Variants in CCSER1 observed in about 807,000 individuals in gnomAD.
CCSER1 encodes the protein serine-rich coiled-coil domain-containing protein 1.
A neutral mutation model predicts 82.0 loss-of-function variants in CCSER1; 41 were observed. The observed-to-expected ratio is 0.50, with a 90% confidence interval of 0.39 to 0.65. CCSER1 has a LOEUF of 0.65. CCSER1 is among the 30% of genes least tolerant of loss of function. The pLI is 0.00. For synonymous variants in CCSER1, 414 were observed against 383.9 expected (o/e 1.08, Z -0.92); for missense variants, 1,119 against 1,064.2 (o/e 1.05, Z -0.72).
chr4:90,968,148 A>C (rs1456877479), intron 9 of CCSER1, among the ~76,000 whole-genome samples: 4 of 152,152 alleles, frequency 2.6e-5, no homozygotes, highest in Admixed American at 6.5e-5. Context: ...TAGAAAAAAG[A>C]AAGATAGGCT....
intron 10 of CCSER1, among the ~76,000 whole-genome samples, chr4:91,187,013 G>A (rs530948321): frequency 2.0e-5 from 3 of 152,314 alleles, no homozygotes; most frequent in African/African-American, 2.4e-5. Context: ...ATTTTGGGGG[G>A]CCTGCTCCCA....
intron 6 of CCSER1, among the ~76,000 whole-genome samples, chr4:90,659,881 C>G (rs1417619245): frequency 6.6e-6 from 1 of 151,940 alleles, no homozygotes; most frequent in Non-Finnish European, 1.5e-5. Flanking sequence ...GAATGATGAA[C>G]ATTTTTTCAT....
intron 3 of CCSER1, among the ~76,000 whole-genome samples, chr4:90,385,191 A>G (rs983497327): frequency 9.9e-5 from 15 of 152,156 alleles, no homozygotes; most frequent in African/African-American, 3.6e-4. Flanking sequence ...TGATAAAAAT[A>G]TAAGTGCAGG....
At chr4:91,418,878 T>C (rs1353390550) in intron 10 of CCSER1, among the ~76,000 whole-genome samples, 1 of 151,900 alleles carries the variant, frequency 6.6e-6, no homozygotes, top group Non-Finnish European at 1.5e-5. Flanking sequence ...CAACAGCACA[T>C]TAAAAGAATC....
chr4:90,530,475 T>C (rs1321562767), intron 5 of CCSER1, among the ~76,000 whole-genome samples: 1 of 151,754 alleles, frequency 6.6e-6, no homozygotes, highest in Non-Finnish European at 1.5e-5. Context: ...GAAAAGGGAG[T>C]GTGGGCGTAC....
chr4:90,946,663 T>C (rs1407758927), intron 9 of CCSER1, among the ~76,000 whole-genome samples: 1 of 151,502 alleles, frequency 6.6e-6, no homozygotes, highest in African/African-American at 2.4e-5. Context: ...GAGTAAATTA[T>C]GACCTAGAAA....
chr4:90,128,867 A>T (rs2153306940), intron 1 of CCSER1, among the ~76,000 whole-genome samples: 1 of 152,046 alleles, frequency 6.6e-6, no homozygotes, highest in African/African-American at 2.4e-5. Flanking sequence ...TCAGAATTAG[A>T]AGCAATTATG....
intron 7 of CCSER1, among the ~76,000 whole-genome samples, chr4:90,744,651 G>A (rs1747108257): frequency 1.3e-5 from 2 of 152,106 alleles, no homozygotes; most frequent in Admixed American, 1.3e-4. Flanking sequence ...CAAAGCAGGA[G>A]ATGACCGATG....
At chr4:90,838,747 T>A (rs112674231) in intron 8 of CCSER1, among the ~76,000 whole-genome samples, 3,784 of 152,298 alleles carry the variant, frequency 0.025, 128 homozygotes, top group African/African-American at 0.079. Context: ...AGGCGCGGCC[T>A]TCGTTGTCAG....
Position 90,672,763 on chromosome 4 carries a change from A to G in CCSER1, c.1932+44531A>G, listed in dbSNP as rs1305579762. ...AATTGTAACTCTTCCTTTCACTTGA[A>G]CACTTAGACGCCATTGTAGCATGAT... On this transcript the variant is annotated intron_variant, in intron 6 of 10. Transcript: ENST00000509176. Among the ~76,000 whole-genome samples, 3 of 152,104 alleles carry G rather than the reference A, an allele frequency of 2.0e-5. No homozygotes were observed. In the East Asian group the frequency reaches 5.8e-4, roughly 29 times the overall value.
intron 10 of CCSER1, among the ~76,000 whole-genome samples, chr4:91,244,126 C>T (rs1293346555): frequency 6.6e-6 from 1 of 152,152 alleles, no homozygotes; most frequent in Non-Finnish European, 1.5e-5. Context: ...GGTGGCCTGG[C>T]AGAACCCCCA....
At chr4:90,218,391 T>C (rs1479566568) in intron 1 of CCSER1, among the ~76,000 whole-genome samples, 1 of 152,174 alleles carries the variant, frequency 6.6e-6, no homozygotes, top group Non-Finnish European at 1.5e-5. Context: ...TGGGATCATT[T>C]GTACCCCAAA....
At chr4:90,832,175 T>C (rs1761205388) in intron 8 of CCSER1, among the ~76,000 whole-genome samples, 1 of 152,088 alleles carries the variant, frequency 6.6e-6, no homozygotes, top group Admixed American at 6.5e-5. Flanking sequence ...ATATATTAAA[T>C]GGATTGCCTT....
chr4:91,058,089 G>C (rs1034076773), intron 9 of CCSER1, among the ~76,000 whole-genome samples: 1 of 152,004 alleles, frequency 6.6e-6, no homozygotes, highest in African/African-American at 2.4e-5. Context: ...TGTCATGGGG[G>C]TTTTACAGAT....
intron 8 of CCSER1, among the ~76,000 whole-genome samples, chr4:90,880,514 C>G (rs1721144721): frequency 6.6e-6 from 1 of 152,130 alleles, no homozygotes; most frequent in Admixed American, 6.5e-5. Context: ...CACTTGGGGT[C>G]TTTGCTACTT....
intron 10 of CCSER1, among the ~76,000 whole-genome samples, chr4:91,305,821 C>T (rs1745023553): frequency 6.6e-6 from 1 of 151,928 alleles, no homozygotes. Context: ...GAAGGAGGAG[C>T]AAGGCGCCTC....
chr4:91,474,656 T>C (rs1308934466), intron 10 of CCSER1, among the ~76,000 whole-genome samples: 3 of 151,198 alleles, frequency 2.0e-5, no homozygotes, highest in African/African-American at 7.3e-5. Flanking sequence ...ATGAACCCAC[T>C]CTCCATTTTG....
intron 10 of CCSER1, among the ~76,000 whole-genome samples, chr4:91,371,774 C>T (rs1012679749): frequency 6.6e-6 from 1 of 152,100 alleles, no homozygotes; most frequent in Non-Finnish European, 1.5e-5. Context: ...ACACATTATG[C>T]AATATCTTTT....
At chr4:91,152,658 AGTT>A (rs1193500210) in intron 10 of CCSER1, among the ~76,000 whole-genome samples, 3 of 152,084 alleles carry the variant, frequency 2.0e-5, no homozygotes, top group Admixed American at 6.6e-5. Flanking sequence ...GGCTGGTACC[AGTT>A]GTTCCTTTCC....
Sources: allele counts gnomAD v4.1 joint callset (sites outside exome capture counted in the v4.1 genomes callset), GRCh38; gene constraint gnomAD v4.1.1; transcripts MANE v1.5; gene names NCBI Gene and HGNC (gene_info 2026-07-23, HGNC 2026-07-21).